The following PLEKHH2 variants were observed in gnomAD, a reference collection of about 807,000 sequenced individuals.
The protein encoded by PLEKHH2 is pleckstrin homology, MyTH4 and FERM domain containing H2.
In PLEKHH2, 129 loss-of-function variants were observed where a neutral mutation model predicts 187.9. The observed-to-expected ratio is 0.69, with a 90% CI of 0.59 to 0.79. The LOEUF (loss-of-function observed/expected upper bound fraction) is 0.79, where lower values mean the gene tolerates loss of function less well. PLEKHH2 is among the 30% of genes least tolerant of loss of function. The probability of loss-of-function intolerance (pLI) is 0.00; values close to 1 mark genes in which losing one functional copy is unlikely to be tolerated. For missense variants in PLEKHH2, 2,076 were observed against 1,751.2 expected, an observed-to-expected ratio of 1.19 and a Z score of -3.31; for synonymous variants, 686 against 605.6, an observed-to-expected ratio of 1.13 and a Z score of -1.95.
chr2:43,750,050 A>G (rs1022321789), intron 24 of PLEKHH2, among the ~76,000 whole-genome samples: 5 of 152,148 alleles, frequency 3.3e-5, no homozygotes, highest in African/African-American at 9.7e-5. Flanking sequence ...TGTGTTTTTG[A>G]AGTTGTAAGA....
intron 15 of PLEKHH2, among the ~76,000 whole-genome samples, chr2:43,716,365 T>C (rs965019848): frequency 6.6e-6 from 1 of 152,152 alleles, no homozygotes; most frequent in African/African-American, 2.4e-5. Flanking sequence ...TGATATCATG[T>C]CTAATATCCT....
At chr2:43,745,989 A>G (rs1434460442) in intron 24 of PLEKHH2, 26 bp downstream of exon 24, 1 of 1,464,054 alleles carries the variant, frequency 6.8e-7, no homozygotes, top group East Asian at 2.3e-5. Context: ...TCCAGATGCC[A>G]AAGTATGAGT....
chr2:43,688,049 C>G (rs10186844), intron 3 of PLEKHH2, among the ~76,000 whole-genome samples: 3,524 of 152,292 alleles, frequency 0.023, 150 homozygotes, highest in African/African-American at 0.08. Context: ...TGTCCTCCCT[C>G]CTCGGCCTCC....
intron 2 of PLEKHH2, among the ~76,000 whole-genome samples, chr2:43,647,100 G>T (rs1225645882): frequency 6.6e-6 from 1 of 151,966 alleles, no homozygotes; most frequent in Non-Finnish European, 1.5e-5. Flanking sequence ...GATTTATTAT[G>T]TATAGGATAA....
At chr2:43,657,716 C>A (rs17413944) in intron 2 of PLEKHH2, among the ~76,000 whole-genome samples, 6,217 of 152,306 alleles carry the variant, frequency 0.041, 186 homozygotes, top group Non-Finnish European at 0.065. Flanking sequence ...TTAAGTTTCA[C>A]ATGTAGTGCA....
chr2:43,738,628 G>A, intron 20 of PLEKHH2, 108 bp downstream of exon 20: 1 of 1,113,652 alleles, frequency 9.0e-7, no homozygotes, highest in Non-Finnish European at 1.2e-6. Context: ...AAAAAGTGCA[G>A]AAGGAAAAAT....
chr2:43,681,771 G>C (rs529902969), intron 3 of PLEKHH2: 15 of 433,554 alleles, frequency 3.5e-5, no homozygotes, highest in African/African-American at 2.6e-4. Context: ...GCCTACTCTG[G>C]ACCCTCTCCC....
chr2:43,690,415 G>A (rs1668736728), intron 3 of PLEKHH2, among the ~76,000 whole-genome samples: 1 of 150,176 alleles, frequency 6.7e-6, no homozygotes, highest in African/African-American at 2.5e-5. Context: ...GAACAGTTTT[G>A]GCATCTGAAT....
intron 2 of PLEKHH2, among the ~76,000 whole-genome samples, chr2:43,653,343 C>T (rs1292681916): frequency 6.6e-6 from 1 of 152,100 alleles, no homozygotes; most frequent in Middle Eastern, 3.2e-3. Flanking sequence ...TGGCTTCAGA[C>T]CTTTCAAAAG....
chr2:43,657,042 A>G (rs1481629921), intron 2 of PLEKHH2, among the ~76,000 whole-genome samples: 2 of 60,714 alleles, frequency 3.3e-5, no homozygotes. Context: ...AAACAAAACA[A>G]AATAAAACAA....
At position 43,726,348 on chromosome 2, in the gene PLEKHH2, A is replaced by G. The variant is rs747365977; in HGVS notation, c.2618A>G (p.Tyr873Cys). The G allele has an allele frequency of 1.2e-6, 2 of 1,611,570 alleles. No individual in the cohort carries two copies. Among genetic ancestry groups the G allele is most frequent in the African/African-American group, 1.3e-5 (1 of 74,880 alleles). ...VDRSCDSDED[Y>C]EASGRSLLST... ...AGATCTTGTGATTCAGATGAAGATT[A>G]TGAAGCCAGTGGACGAAGTCTGTTA... Residue 873 changes from tyrosine (Y) to cysteine (C), a missense_variant, in exon 17 of 30, where the codon TAT becomes TGT. By Grantham distance (194) the Tyr-to-Cys change is radical. Transcript: ENST00000282406.
At chr2:43,760,998 C>T (rs976113952) in intron 27 of PLEKHH2, among the ~76,000 whole-genome samples, 3 of 152,108 alleles carry the variant, frequency 2.0e-5, no homozygotes, top group Non-Finnish European at 4.4e-5. Context: ...AATAACATTC[C>T]ACTGTAGGTA....
intron 17 of PLEKHH2, among the ~76,000 whole-genome samples, chr2:43,728,383 G>A (rs1469454407): frequency 6.7e-6 from 1 of 149,590 alleles, no homozygotes; most frequent in Non-Finnish European, 1.5e-5. Flanking sequence ...GGAGGCTGAG[G>A]CAGGAGAATC....
intron 24 of PLEKHH2, among the ~76,000 whole-genome samples, chr2:43,749,789 A>G (rs149804165): frequency 2.3e-4 from 35 of 152,342 alleles, no homozygotes; most frequent in Non-Finnish European, 4.1e-4. Context: ...CCTTGCTGTG[A>G]CCTGTCACAC....
At chr2:43,739,784 A>G (rs953320862) in intron 20 of PLEKHH2, among the ~76,000 whole-genome samples, 2 of 152,130 alleles carry the variant, frequency 1.3e-5, no homozygotes, top group East Asian at 1.9e-4. Flanking sequence ...CCTTTGCAAT[A>G]TTCTCCACCA....
intron 2 of PLEKHH2, among the ~76,000 whole-genome samples, chr2:43,659,843 G>C (rs910287560): frequency 1.3e-5 from 2 of 151,736 alleles, no homozygotes; most frequent in Non-Finnish European, 2.9e-5. Flanking sequence ...ACAGGTGTTA[G>C]CCACTGTGCC....
At chr2:43,693,148 C>T (rs1229129799) in intron 4 of PLEKHH2, among the ~76,000 whole-genome samples, 1 of 151,888 alleles carries the variant, frequency 6.6e-6, no homozygotes, top group East Asian at 1.9e-4. Context: ...TTGGCCAGGC[C>T]TGTCTTGAAC....
intron 16 of PLEKHH2, among the ~76,000 whole-genome samples, chr2:43,723,260 C>A (rs185555611): frequency 6.6e-6 from 1 of 152,080 alleles, no homozygotes; most frequent in Non-Finnish European, 1.5e-5. Flanking sequence ...GGGTTTTTGG[C>A]AGGCCTGAGA....
intron 21 of PLEKHH2, 139 bp downstream of exon 21, chr2:43,741,182 T>C: frequency 1.5e-6 from 1 of 660,662 alleles, no homozygotes. Context: ...CCTTTGGTTA[T>C]CATTGATGTG....
Sources: allele counts gnomAD v4.1 joint callset (sites outside exome capture counted in the v4.1 genomes callset), GRCh38; gene constraint gnomAD v4.1.1; transcripts MANE v1.5; gene names NCBI Gene and HGNC (gene_info 2026-07-23, HGNC 2026-07-21).